The following CDH22 variants were observed in gnomAD, a reference collection of about 807,000 sequenced individuals.
CDH22 encodes cadherin-22.
A neutral mutation model predicts 58.4 loss-of-function variants in CDH22; 30 were observed. The ratio of observed to expected loss-of-function variants is 0.51; its 90% CI spans 0.38 to 0.70. The LOEUF (loss-of-function observed/expected upper bound fraction) is 0.70. Ranked by LOEUF, CDH22 falls within the 30% of genes least tolerant of loss-of-function variation. The pLI is 0.00. For synonymous variants in CDH22, 513 were observed against 558.2 expected (o/e 0.92, Z 1.14); for missense variants, 1,014 against 1,233.9 (o/e 0.82, Z 2.67).
At chr20:46,208,288 A>C (rs1315989448) in intron 7 of CDH22, among the ~76,000 whole-genome samples, 1 of 152,026 alleles carries the variant, frequency 6.6e-6, no homozygotes, top group Admixed American at 6.5e-5. Flanking sequence ...CTTCCAGCCT[A>C]GGCTACTGTC....
At chr20:46,307,344 G>A (rs565291492) in intron 1 of CDH22, among the ~76,000 whole-genome samples, 1 of 152,228 alleles carries the variant, frequency 6.6e-6, no homozygotes, top group Non-Finnish European at 1.5e-5. Context: ...GGGGAGGCGC[G>A]AGCGAGACGG....
chr20:46,281,930 T>C (rs955912045), intron 1 of CDH22, among the ~76,000 whole-genome samples: 5 of 152,254 alleles, frequency 3.3e-5, no homozygotes, highest in African/African-American at 1.2e-4. Context: ...GGTGCTACTA[T>C]TACAGATGCC....
At chr20:46,189,780 T>C (rs2085850817) in intron 8 of CDH22, among the ~76,000 whole-genome samples, 1 of 152,162 alleles carries the variant, frequency 6.6e-6, no homozygotes, top group African/African-American at 2.4e-5. Flanking sequence ...ATTCTAGGAA[T>C]TCCTGAATTT....
At chr20:46,264,696 C>T (rs1046674544) in intron 1 of CDH22, among the ~76,000 whole-genome samples, 8 of 152,048 alleles carry the variant, frequency 5.3e-5, no homozygotes, top group Non-Finnish European at 8.8e-5. Context: ...GACAGGCCTG[C>T]GTTTGGCTCT....
intron 11 of CDH22, among the ~76,000 whole-genome samples, chr20:46,177,397 GC>G: frequency 6.6e-6 from 1 of 152,008 alleles, no homozygotes; most frequent in Non-Finnish European, 1.5e-5. Flanking sequence ...TGTAGATTTT[GC>G]CCCCCTCCCC....
At chr20:46,246,596 T>C (rs1381357811) in intron 2 of CDH22, among the ~76,000 whole-genome samples, 4 of 152,150 alleles carry the variant, frequency 2.6e-5, no homozygotes, top group African/African-American at 9.6e-5. Context: ...TGGGCCAGGG[T>C]TGCCAATGGG....
intron 1 of CDH22, among the ~76,000 whole-genome samples, chr20:46,261,091 A>G (rs111234036): frequency 1.2e-4 from 19 of 152,306 alleles, no homozygotes; most frequent in African/African-American, 4.6e-4. Flanking sequence ...TACTGTATGT[A>G]TGACCTTGGT....
chr20:46,293,782 C>T (rs940322091), intron 1 of CDH22, among the ~76,000 whole-genome samples: 5 of 152,060 alleles, frequency 3.3e-5, no homozygotes, highest in African/African-American at 1.2e-4. Context: ...TTTCGAAGGC[C>T]AAGGCGGGCG....
At chr20:46,268,219 G>A (rs2086470859) in intron 1 of CDH22, among the ~76,000 whole-genome samples, 1 of 152,248 alleles carries the variant, frequency 6.6e-6, no homozygotes, top group Non-Finnish European at 1.5e-5. Flanking sequence ...CCTCAGCCCT[G>A]GAAACAATAG....
chr20:46,180,390 C>T (rs1265536238), intron 10 of CDH22, among the ~76,000 whole-genome samples: 3 of 152,208 alleles, frequency 2.0e-5, no homozygotes, highest in East Asian at 3.9e-4. Context: ...TCAAGTTCGA[C>T]AGTTCAAACT....
At chr20:46,271,110 G>C (rs1311591754) in intron 1 of CDH22, among the ~76,000 whole-genome samples, 1 of 152,254 alleles carries the variant, frequency 6.6e-6, no homozygotes, top group Non-Finnish European at 1.5e-5. Context: ...AGCAGCTGCT[G>C]TTTGTGGAGG....
At chr20:46,212,863 G>A in intron 6 of CDH22, 132 bp downstream of exon 6, 1 of 692,274 alleles carries the variant, frequency 1.4e-6, no homozygotes. Context: ...GTTTTTCCAG[G>A]TTGGTCCTGG....
At chr20:46,218,296 A>G (rs1278970297) in intron 4 of CDH22, among the ~76,000 whole-genome samples, 3 of 152,144 alleles carry the variant, frequency 2.0e-5, no homozygotes, top group African/African-American at 7.2e-5. Context: ...CAGACACAAC[A>G]CAAAAGCAAC....
At chr20:46,303,672 C>A (rs923510342) in intron 1 of CDH22, among the ~76,000 whole-genome samples, 2 of 151,974 alleles carry the variant, frequency 1.3e-5, no homozygotes, top group Non-Finnish European at 2.9e-5. Flanking sequence ...GGAATATCTT[C>A]GGGGAAGGTT....
intron 1 of CDH22, among the ~76,000 whole-genome samples, chr20:46,291,328 A>C (rs1342584902): frequency 1.3e-5 from 2 of 152,194 alleles, no homozygotes. Flanking sequence ...ACCAAATAAT[A>C]ATAGCTAACA....
chr20:46,232,214 C>T (rs571753836), intron 3 of CDH22, among the ~76,000 whole-genome samples: 77 of 152,174 alleles, frequency 5.1e-4, no homozygotes, highest in African/African-American at 1.5e-3. Flanking sequence ...AGTTGAGTCT[C>T]CAGACTCAAG....
In CDH22 at chr20:46,289,893, T is replaced by A. The variant is rs143629967; in HGVS notation, c.-400+18362A>T. Among the ~76,000 whole-genome samples, 1,201 of 152,326 alleles carry A rather than the reference T, an allele frequency of 7.9e-3. 9 individuals carry two copies. Among genetic ancestry groups the A allele is most frequent in the African/African-American group, 0.027 (1,126 of 41,574 alleles). ...AGTGCAGGTTTCCAACTTGGCTTCA[T>A]GTTTGAGGCTAACCTGTGGATTTAG... On this transcript the variant is annotated intron_variant, in intron 1 of 11. Coordinates refer to ENST00000537909, the MANE Select transcript of CDH22 (RefSeq NM_021248.3).
At position 46,247,856 on chromosome 20, in the gene CDH22, G is replaced by A. The variant is rs114096726; in HGVS notation, c.255+3184C>T. On this transcript the variant is annotated intron_variant, in intron 2 of 11. Coordinates refer to ENST00000537909, the MANE Select transcript of CDH22 (RefSeq NM_021248.3). ...TCCCTGGATGGAGTGTTTTTCTGGAGGTGGCCTTGAGAGTAAGAGAGCAGG... is the reference window on the plus strand; with the variant it reads ...TCCCTGGATGGAGTGTTTTTCTGGAAGTGGCCTTGAGAGTAAGAGAGCAGG... Among the ~76,000 whole-genome samples, 685 of 152,300 alleles carry A rather than the reference G, an allele frequency of 4.5e-3. 3 individuals are homozygous for A. The highest frequency in any genetic ancestry group is 0.016 in the African/African-American group (652 of 41,554).
At chr20:46,259,401 A>G (rs192893705) in intron 1 of CDH22, among the ~76,000 whole-genome samples, 26 of 152,348 alleles carry the variant, frequency 1.7e-4, no homozygotes, top group African/African-American at 6.0e-4. Context: ...AATGAGAGAA[A>G]TCCCTGGCAG....
Sources: allele counts gnomAD v4.1 joint callset (sites outside exome capture counted in the v4.1 genomes callset), GRCh38; gene constraint gnomAD v4.1.1; transcripts MANE v1.5; gene names NCBI Gene and HGNC (gene_info 2026-07-23, HGNC 2026-07-21).